The following CD300A variants were observed in gnomAD, a reference collection of about 807,000 sequenced individuals.
CD300A encodes the protein CD300a molecule.
In CD300A, 22 loss-of-function variants were observed where a neutral mutation model predicts 33.6. That is an observed-to-expected ratio of 0.66 (90% confidence interval 0.47 to 0.94). The LOEUF (loss-of-function observed/expected upper bound fraction) is 0.94. CD300A is among the 40% of genes least tolerant of loss of function. CD300A has a pLI of 0.00. For synonymous variants in CD300A, 136 were observed against 148.1 expected (o/e 0.92, Z 0.59); for missense variants, 326 against 360.5 (o/e 0.90, Z 0.77).
intron 1 of CD300A, among the ~76,000 whole-genome samples, chr17:74,468,394 G>A (rs1269423927): frequency 6.6e-6 from 1 of 152,050 alleles, no homozygotes; most frequent in Non-Finnish European, 1.5e-5. Flanking sequence ...GTGCGGTGGT[G>A]CAATCACGGT....
chr17:74,481,899 G>A (rs1906883128), intron 6 of CD300A, 66 bp downstream of exon 6: 2 of 1,228,912 alleles, frequency 1.6e-6, no homozygotes, highest in South Asian at 2.6e-5. Context: ...CCCTGGGAGG[G>A]TGGGCAGAAG....
At chr17:74,466,513 G>T (rs1302318548), upstream of CD300A, 4 of 636,826 alleles carry the variant, frequency 6.3e-6, no homozygotes, top group Non-Finnish European at 1.1e-5. Context: ...TTTCTAGGGA[G>T]TCTTAGTCGG....
At chr17:74,476,975 A>G (rs990488650) in intron 3 of CD300A, among the ~76,000 whole-genome samples, 6 of 152,098 alleles carry the variant, frequency 3.9e-5, no homozygotes, top group Non-Finnish European at 8.8e-5. Flanking sequence ...ACGTGTGTGT[A>G]TGTGGGGAAA....
intron 6 of CD300A, among the ~76,000 whole-genome samples, chr17:74,483,513 C>A (rs148420928): frequency 6.6e-6 from 1 of 151,966 alleles, no homozygotes; most frequent in African/African-American, 2.4e-5. Flanking sequence ...TCCACCACCA[C>A]GCCCAGCTAG....
intron 5 of CD300A, 91 bp downstream of exon 5, chr17:74,481,417 G>C (rs1906838848): frequency 8.2e-7 from 1 of 1,215,046 alleles, no homozygotes; most frequent in African/African-American, 1.5e-5. Context: ...GGCCAACGGA[G>C]GTTGGATGGA....
intron 1 of CD300A, among the ~76,000 whole-genome samples, chr17:74,471,550 C>T (rs949677154): frequency 5.3e-5 from 8 of 152,212 alleles, no homozygotes; most frequent in Non-Finnish European, 1.0e-4. Context: ...GAGAGGTTAA[C>T]TAACTTGCCC....
intron 4 of CD300A, among the ~76,000 whole-genome samples, chr17:74,478,584 T>C (rs1311976008): frequency 1.3e-5 from 2 of 152,214 alleles, no homozygotes; most frequent in Non-Finnish European, 2.9e-5. Flanking sequence ...GTCCTCTAGA[T>C]TGCAGATCCC....
intron 6 of CD300A, 62 bp from the exon 7 acceptor site, chr17:74,483,939 G>C: frequency 6.3e-7 from 1 of 1,592,666 alleles, no homozygotes; most frequent in Non-Finnish European, 8.6e-7. Context: ...TCCATCCTAT[G>C]TTGGGGGTCC....
rs976988186 is a variant in CD300A at position 74,474,553 on chromosome 17, C to T, written c.401C>T (p.Ala134Val). ...CCAGCATCAACGTCAATGACACCTG[C>T]AAGTATCACTGCGGCCAAGACCTCA... The part of the protein sequence containing the change: ...VFPASTSMTP[A>V]SITAAKTSTI... The change falls in exon 3 of 7, where the codon GCA becomes GTA. Residue 134 changes from alanine (A) to valine (V), a missense_variant. Ala to Val is a moderately conservative substitution (Grantham distance 64). Coordinates refer to ENST00000360141, the MANE Select transcript of CD300A (RefSeq NM_007261.4). The T allele has an allele frequency of 1.4e-5, 22 of 1,614,042 alleles. No individual in the cohort carries two copies. The highest frequency in any genetic ancestry group is 1.7e-5 in the Non-Finnish European group (20 of 1,180,010).
intron 1 of CD300A, among the ~76,000 whole-genome samples, chr17:74,467,529 G>A (rs1313488510): frequency 6.6e-6 from 1 of 152,154 alleles, no homozygotes; most frequent in East Asian, 1.9e-4. Flanking sequence ...CCAAGCGCAG[G>A]GATTCCTCCC....
intron 3 of CD300A, among the ~76,000 whole-genome samples, chr17:74,476,454 A>G (rs986253286): frequency 3.3e-4 from 50 of 152,312 alleles, no homozygotes; most frequent in African/African-American, 1.0e-3. Flanking sequence ...GCCTGTAGAT[A>G]CACATAGGTG....
intron 3 of CD300A, among the ~76,000 whole-genome samples, chr17:74,475,658 C>T (rs1906412530): frequency 6.6e-6 from 1 of 152,166 alleles, no homozygotes; most frequent in Admixed American, 6.5e-5. Context: ...CCCACAATTC[C>T]ATCCTGGCAC....
rs543193668 is a variant in CD300A, at chr17:74,472,612, CT to C, written c.41-909del. 8.4e-3 allele frequency among the ~76,000 whole-genome samples: 1,199 copies of C among 142,214 alleles called. 11 individuals carry two copies. The highest frequency in any genetic ancestry group is 0.022 in the African/African-American group (874 of 38,960). 93.3% of individuals were successfully genotyped at this position (142,214 alleles called of 152,430 possible). On this transcript the variant is annotated intron_variant, in intron 1 of 6. Coordinates refer to ENST00000360141, the MANE Select transcript of CD300A (RefSeq NM_007261.4). ...CAGCAAGCCTTCTGCGTTTGTGACT[CT>C]TTTTTTTTTTTTTTGAGACAGAGTC...
chr17:74,469,237 A>G (rs940442331), intron 1 of CD300A, among the ~76,000 whole-genome samples: 1 of 152,002 alleles, frequency 6.6e-6, no homozygotes, highest in Admixed American at 6.6e-5. Flanking sequence ...ATTAAAAAAA[A>G]TCTAGCTGGG....
Position 74,470,158 on chromosome 17 carries a change from G to C in CD300A, c.41-3378G>C, listed in dbSNP as rs1261133726. 4 of 985,320 alleles carry C rather than the reference G, an allele frequency of 4.1e-6. No homozygotes were observed. In the Admixed American group the frequency reaches 1.8e-4, roughly 45 times the overall value. 61.0% of individuals were successfully genotyped at this position (985,320 alleles called of 1,614,324 possible). A position where few individuals can be genotyped will look rare whatever the true frequency, so the allele number is the denominator to read the frequency against. On this transcript the variant is annotated intron_variant, in intron 1 of 6. Coordinates refer to ENST00000360141, the MANE Select transcript of CD300A (RefSeq NM_007261.4). ...CCAGTCTCCTGTTTATGATTAGAGG[G>C]GTTTGGGGTGGTGATTCAGGTTGGA... is the stretch of plus-strand genomic sequence containing the variant.
intron 1 of CD300A, among the ~76,000 whole-genome samples, chr17:74,469,035 A>G (rs1244300685): frequency 1.3e-5 from 2 of 152,176 alleles, no homozygotes; most frequent in East Asian, 3.8e-4. Context: ...TTGATTTATT[A>G]TGCTGGCTTC....
chr17:74,476,459 T>C (rs962348610), intron 3 of CD300A, among the ~76,000 whole-genome samples: 1 of 152,000 alleles, frequency 6.6e-6, no homozygotes, highest in Admixed American at 6.6e-5. Context: ...TAGATACACA[T>C]AGGTGGCAGC....
chr17:74,483,302 A>G (rs1907035113), intron 6 of CD300A, among the ~76,000 whole-genome samples: 1 of 151,886 alleles, frequency 6.6e-6, no homozygotes, highest in Non-Finnish European at 1.5e-5. Flanking sequence ...CTCTGCAGAA[A>G]GGGATCCATG....
rs780843485 is a variant in CD300A, at chr17:74,484,091, C to A, written c.865C>A (p.Pro289Thr). The A allele has an allele frequency of 5.6e-6, 9 of 1,614,010 alleles. No homozygotes were observed. The highest frequency in any genetic ancestry group is 1.1e-5 in the South Asian group (1 of 91,080). The part of the protein sequence containing the change: ...IAAQRPREEE[P>T]DSDYSVIRKT ...TGCTCAGAGGCCTCGGGAGGAGGAACCAGATTCAGATTACAGTGTGATAAG... is the reference window on the plus strand; with the variant it reads ...TGCTCAGAGGCCTCGGGAGGAGGAAACAGATTCAGATTACAGTGTGATAAG... Residue 289 changes from proline to threonine, a missense_variant, in exon 7 of 7, where the codon CCA (proline) becomes ACA (threonine). Physicochemically the swap from Pro to Thr is conservative, Grantham distance 38. Transcript: ENST00000360141.
Sources: gnomAD v4.1 joint callset for allele counts (sites outside exome capture counted in the v4.1 genomes callset) on GRCh38, gnomAD v4.1.1 for gene constraint, MANE v1.5 for transcripts, NCBI Gene and HGNC (gene_info 2026-07-23, HGNC 2026-07-21) for gene names.